DMGDH: variants seen among roughly 807,000 people sequenced by gnomAD.
The protein encoded by DMGDH is dimethylglycine dehydrogenase, mitochondrial.
A neutral mutation model predicts 95.2 loss-of-function variants in DMGDH; 76 were observed. The ratio of observed to expected loss-of-function variants is 0.80; its 90% CI spans 0.66 to 0.97. DMGDH has a LOEUF of 0.97. DMGDH is among the 50% of genes least tolerant of loss of function. DMGDH has a pLI of 0.00. For synonymous variants in DMGDH, 345 were observed against 377.6 expected (o/e 0.91, Z 1.00); for missense variants, 987 against 1,055.0 (o/e 0.94, Z 0.89).
chr5:79,042,161 T>C (rs1754527062), intron 7 of DMGDH, 122 bp downstream of exon 7: 1 of 943,632 alleles, frequency 1.1e-6, no homozygotes, highest in Non-Finnish European at 1.7e-6. Context: ...GGTCTCTCTC[T>C]GTTTCTCTTT....
intron 15 of DMGDH, chr5:79,000,175 T>G: frequency 1.7e-6 from 1 of 594,452 alleles, no homozygotes; most frequent in East Asian, 4.4e-5. Context: ...TCTTCTCCAC[T>G]AGTATGTTTC....
At chr5:79,032,582 G>T in intron 9 of DMGDH, 105 bp downstream of exon 9, 1 of 1,477,880 alleles carries the variant, frequency 6.8e-7, no homozygotes, top group Non-Finnish European at 9.5e-7. Context: ...AGTGCTCCTT[G>T]GAACAGGGTG....
intron 14 of DMGDH, among the ~76,000 whole-genome samples, chr5:79,013,328 A>G (rs546869165): frequency 6.6e-6 from 1 of 152,136 alleles, no homozygotes; most frequent in Non-Finnish European, 1.5e-5. Flanking sequence ...CCCATTCCCA[A>G]TAAGTTCTTC....
chr5:79,014,433 T>C (rs1753693652), intron 14 of DMGDH, among the ~76,000 whole-genome samples: 2 of 152,186 alleles, frequency 1.3e-5, no homozygotes, highest in South Asian at 4.1e-4. Context: ...CATAATAGAT[T>C]TCATCTCTCT....
At chr5:79,056,965 T>A (rs988377765) in intron 2 of DMGDH, among the ~76,000 whole-genome samples, 1 of 152,216 alleles carries the variant, frequency 6.6e-6, no homozygotes, top group Non-Finnish European at 1.5e-5. Flanking sequence ...CACAGGATCT[T>A]CTTTGACCCA....
chr5:79,040,497 A>G (rs1326941563), intron 7 of DMGDH, among the ~76,000 whole-genome samples: 1 of 152,266 alleles, frequency 6.6e-6, no homozygotes, highest in Non-Finnish European at 1.5e-5. Context: ...AGCTAAAACT[A>G]TAAAACTCTT....
intron 4 of DMGDH, among the ~76,000 whole-genome samples, chr5:79,052,653 A>G (rs1419384698): frequency 6.6e-6 from 1 of 152,190 alleles, no homozygotes; most frequent in Non-Finnish European, 1.5e-5. Flanking sequence ...ACATATTCCC[A>G]TTGCTTAATG....
intron 12 of DMGDH, among the ~76,000 whole-genome samples, chr5:79,027,944 A>T (rs1334088672): frequency 1.3e-5 from 2 of 151,508 alleles, no homozygotes; most frequent in Non-Finnish European, 2.9e-5. Flanking sequence ...GAGTTCAAGC[A>T]AATCTCCTGC....
intron 14 of DMGDH, among the ~76,000 whole-genome samples, chr5:79,017,848 C>T (rs1393092615): frequency 1.3e-5 from 2 of 152,170 alleles, no homozygotes; most frequent in Non-Finnish European, 2.9e-5. Flanking sequence ...GCAGTTTCCA[C>T]AGACAAACTG....
chr5:79,048,149 C>CT (rs1554037017), intron 5 of DMGDH, among the ~76,000 whole-genome samples: 93 of 150,742 alleles, frequency 6.2e-4, no homozygotes, highest in Middle Eastern at 3.4e-3. Flanking sequence ...ATTATTATAC[C>CT]TTTTTTTTTA....
At position 79,044,275 on chromosome 5, in the gene DMGDH, T is replaced by C. The variant is rs551426204; in HGVS notation, c.994+29A>G. 45 of 1,614,184 alleles carry C rather than the reference T, an allele frequency of 2.8e-5. No individual in the cohort carries two copies. In the East Asian group the frequency reaches 5.1e-4, roughly 18 times the overall value. ...AGAGGATGAACCATTCATGTCTGAC[T>C]AGCACACACTTTCATTTGCTGAACC... On this transcript the variant is annotated intron_variant, in intron 6 of 15. Coordinates refer to ENST00000255189, the MANE Select transcript of DMGDH (RefSeq NM_013391.3).
chr5:79,038,243 G>A (rs755691929), intron 7 of DMGDH, among the ~76,000 whole-genome samples: 2 of 152,138 alleles, frequency 1.3e-5, no homozygotes, highest in Non-Finnish European at 2.9e-5. Flanking sequence ...CAGCACTTTG[G>A]GGGGTCGAGG....
chr5:79,044,266 A>G (rs777841202), intron 6 of DMGDH, 38 bp downstream of exon 6: 1 of 1,614,054 alleles, frequency 6.2e-7, no homozygotes, highest in Non-Finnish European at 8.5e-7. Flanking sequence ...TGAACCATTC[A>G]TGTCTGACTA....
intron 15 of DMGDH, among the ~76,000 whole-genome samples, chr5:79,002,786 A>T (rs1027013045): frequency 1.3e-5 from 2 of 152,232 alleles, no homozygotes; most frequent in Non-Finnish European, 2.9e-5. Flanking sequence ...AGTAAAGAGG[A>T]TCCAAGGAGG....
intron 5 of DMGDH, among the ~76,000 whole-genome samples, chr5:79,044,890 T>C (rs1472763211): frequency 6.6e-6 from 1 of 152,118 alleles, no homozygotes; most frequent in Non-Finnish European, 1.5e-5. Flanking sequence ...AAGGCACAAA[T>C]GTTAGTAAGA....
At chr5:79,059,178 T>C (rs183227090) in intron 2 of DMGDH, among the ~76,000 whole-genome samples, 1 of 152,376 alleles carries the variant, frequency 6.6e-6, no homozygotes, top group East Asian at 1.9e-4. Flanking sequence ...ATATGAAGCT[T>C]ATTAAGAACA....
intron 14 of DMGDH, 123 bp from the exon 15 acceptor site, chr5:79,005,530 G>A: frequency 7.5e-6 from 10 of 1,336,770 alleles, no homozygotes; most frequent in Non-Finnish European, 1.0e-5. Flanking sequence ...TAAAAATACA[G>A]ATCGGATCAT....
intron 15 of DMGDH, chr5:79,000,770 G>A: frequency 1.6e-6 from 1 of 633,790 alleles, no homozygotes; most frequent in East Asian, 2.9e-5. Context: ...TATTTTGGGA[G>A]GAAAAGAAAC....
chr5:79,011,334 T>C (rs1261992862), intron 14 of DMGDH, among the ~76,000 whole-genome samples: 1 of 152,216 alleles, frequency 6.6e-6, no homozygotes, highest in Non-Finnish European at 1.5e-5. Flanking sequence ...AGCAACAAAG[T>C]GAGTTAGCAC....
Sources: gnomAD v4.1 joint callset for allele counts (sites outside exome capture counted in the v4.1 genomes callset) on GRCh38, gnomAD v4.1.1 for gene constraint, MANE v1.5 for transcripts, NCBI Gene and HGNC (gene_info 2026-07-23, HGNC 2026-07-21) for gene names.